Variants in OR5T2 observed in about 807,000 individuals in gnomAD.
OR5T2 encodes the protein olfactory receptor family 5 subfamily T member 2.
A neutral mutation model predicts 13.7 loss-of-function variants in OR5T2; 12 were observed. The ratio of observed to expected loss-of-function variants is 0.88; its 90% CI spans 0.56 to 1.42. OR5T2 has a LOEUF of 1.42. Among genes scored for constraint, OR5T2 ranks in the 40% most tolerant of loss-of-function variants. The pLI, the probability that OR5T2 is intolerant of heterozygous loss-of-function variation, is 0.00. For missense variants in OR5T2, 475 were observed against 372.0 expected (o/e 1.28, Z -2.28); for synonymous variants, 146 against 139.5 (o/e 1.05, Z -0.33).
At position 56,232,129 on chromosome 11, in the gene OR5T2, CT is replaced by C. The variant is rs1411642933; in HGVS notation, c.933del (p.Val312TyrfsTer10). 2.6e-6 allele frequency: 4 copies of C among 1,560,390 alleles called. No homozygotes were observed. The highest frequency in any genetic ancestry group is 3.5e-6 in the Non-Finnish European group (4 of 1,154,270). On this transcript the variant is annotated frameshift_variant, in exon 2 of 2. Transcript: ENST00000641661. LOFTEE classifies it high-confidence loss of function. ...KMFGKNQVIN[K>X]VYFHTKK is the part of the protein sequence containing the mutation. ...ATTTATTTTTTAGTATGAAAATATA[CT>C]TTATTGATAACCTGATTTTTCCCAA...
intron 1 of OR5T2, among the ~76,000 whole-genome samples, chr11:56,233,536 G>C (rs896080203): frequency 1.3e-5 from 2 of 152,022 alleles, no homozygotes; most frequent in Admixed American, 1.3e-4. Flanking sequence ...ATATCTACTT[G>C]TCTATAGAAT....
Position 56,232,404 on chromosome 11 carries a change from A to G in OR5T2, c.659T>C (p.Leu220Pro), listed in dbSNP as rs1853297928. The G allele has an allele frequency of 6.8e-6, 11 of 1,610,756 alleles. No individual in the cohort carries two copies. The highest frequency in any genetic ancestry group is 1.3e-5 in the African/African-American group (1 of 74,914). The change falls in exon 2 of 2, where the codon CTG becomes CCG. Residue 220 changes from leucine (L) to proline (P), a missense_variant. Leu to Pro is a moderately conservative substitution (Grantham distance 98). Coordinates refer to ENST00000641661, the MANE Select transcript of OR5T2 (RefSeq NM_001004746.4). Reference sequence around the variant, plus strand: ...AGAATACATCTTCAGAATGGCCAACAGAATCAAACCATAGGAGATCAGAAC... The same window carrying G: ...AGAATACATCTTCAGAATGGCCAACGGAATCAAACCATAGGAGATCAGAAC... ...LIVLISYGLILLAILKMYSAE... is the reference protein window; with the variant it reads ...LIVLISYGLIPLAILKMYSAE...
rs1853282427 is a variant in OR5T2, at chr11:56,231,735, C to G, written c.*371G>C. ...ATGCCCTCCCTGACCATGCCACCCT[C>G]TAGGAACTTCCATTTGTTCTGCTCC... On this transcript the variant is annotated 3_prime_UTR_variant, in exon 2 of 2. Coordinates refer to ENST00000641661, the MANE Select transcript of OR5T2 (RefSeq NM_001004746.4). 1.2e-5 allele frequency: 2 copies of G among 169,608 alleles called. No homozygotes were observed. The highest frequency in any genetic ancestry group is 2.4e-5 in the African/African-American group (1 of 42,126). 10.5% of individuals were successfully genotyped at this position (169,608 alleles called of 1,614,324 possible). A position where few individuals can be genotyped will look rare whatever the true frequency, so the allele number is the denominator to read the frequency against.
rs986598913 is a variant in OR5T2 at position 56,231,883 on chromosome 11, A to G, written c.*223T>C. 6.0e-5 allele frequency: 25 copies of G among 414,352 alleles called. No individual in the cohort carries two copies. The highest frequency in any genetic ancestry group is 1.0e-4 in the Non-Finnish European group (24 of 236,744). The allele number at this position is 414,352 out of a possible 1,614,324, so 25.7% of individuals were successfully genotyped here. On this transcript the variant is annotated 3_prime_UTR_variant, in exon 2 of 2. Transcript: ENST00000641661. ...AGAGTCTTAAGATTCACAATCAGTA[A>G]GGCAGACATTGGAACCCAGCCTTGG...
rs1305453854 is a variant in OR5T2 at position 56,232,289 on chromosome 11, C to A, written c.774G>T (p.Val258=). 5 of 1,611,810 alleles carry A rather than the reference C, an allele frequency of 3.1e-6. No homozygotes were observed. The highest frequency in any genetic ancestry group is 3.4e-6 in the Non-Finnish European group (4 of 1,178,916). ...CCGAAGCATAGCTGGAACTTGGTCT[C>A]ACATACATGAAGAGGATTGTCCCAT... The part of the protein sequence containing the change: ...IYYGTILFMY[V]RPSSSYASDH... Residue 258 remains valine (V), a synonymous_variant, in exon 2 of 2, where the codon GTG becomes GTT. Transcript: ENST00000641661.
rs1853273247 is a variant in OR5T2, at chr11:56,231,293, G to A, written c.*813C>T. On this transcript the variant is annotated 3_prime_UTR_variant, in exon 2 of 2. Transcript: ENST00000641661. ...TTATTATCGTCTAGGGAAAACTCTT[G>A]CTAACCAGGTTTTTCCTCTACTGTC... The A allele has an allele frequency of 6.6e-6, 1 of 152,084 alleles. No individual in the cohort carries two copies. The highest frequency in any genetic ancestry group is 2.4e-5 in the African/African-American group (1 of 41,416). The allele number at this position is 152,084 out of a possible 1,614,324, so 9.4% of individuals were successfully genotyped here. A position where few individuals can be genotyped will look rare whatever the true frequency, so the allele number is the denominator to read the frequency against.
Position 56,232,599 on chromosome 11 carries a change from G to C in OR5T2, c.464C>G (p.Thr155Ser), listed in dbSNP as rs767091035. ...ASYVAGILHA[T>S]IHTVATFSLS... Reference sequence around the variant, plus strand: ...GCTAAATGTAGCCACTGTATGTATAGTAGCATGTAAAATGCCAGCAACATA... The same window carrying C: ...GCTAAATGTAGCCACTGTATGTATACTAGCATGTAAAATGCCAGCAACATA... The change falls in exon 2 of 2, where the codon ACT becomes AGT. Residue 155 changes from threonine to serine, a missense_variant. Physicochemically the swap from Thr to Ser is moderately conservative, Grantham distance 58. Transcript: ENST00000641661. 7 of 1,613,952 alleles carry C rather than the reference G, an allele frequency of 4.3e-6. No individual in the cohort carries two copies. Among genetic ancestry groups the C allele is most frequent in the Non-Finnish European group, 5.9e-6 (7 of 1,179,976 alleles).
rs533589080 is a variant in OR5T2, at chr11:56,232,182, T to C, written c.881A>G (p.Asp294Gly). The C allele has an allele frequency of 1.9e-6, 3 of 1,604,164 alleles. No individual in the cohort carries two copies. In the African/African-American group the frequency reaches 4.0e-5, roughly 22 times the overall value. Residue 294 changes from aspartate (D) to glycine (G), a missense_variant, in exon 2 of 2, where the codon GAT becomes GGT. Coordinates refer to ENST00000641661, the MANE Select transcript of OR5T2 (RefSeq NM_001004746.4). ...NPVIYSLRNK[D>G]VKDSMKKMFG... ...CATTTTTTTCATTGAGTCTTTTACA[T>C]CTTTGTTCCTCAAACTGTAGATGAC...
In OR5T2 at chr11:56,231,856, G is replaced by A. The variant is rs1211825456; in HGVS notation, c.*250C>T. 3 of 333,356 alleles carry A rather than the reference G, an allele frequency of 9.0e-6. No individual in the cohort carries two copies. The highest frequency in any genetic ancestry group is 1.1e-5 in the Non-Finnish European group (2 of 186,444). The allele number at this position is 333,356 out of a possible 1,614,324, so 20.6% of individuals were successfully genotyped here. On this transcript the variant is annotated 3_prime_UTR_variant, in exon 2 of 2. Coordinates refer to ENST00000641661, the MANE Select transcript of OR5T2 (RefSeq NM_001004746.4). Reference sequence around the variant, plus strand: ...AGGTATAGGGTGGGACTCTCTCATGGGAGAGTCTTAAGATTCACAATCAGT... The same window carrying A: ...AGGTATAGGGTGGGACTCTCTCATGAGAGAGTCTTAAGATTCACAATCAGT...
Position 56,232,699 on chromosome 11 carries a change from C to T in OR5T2, c.364G>A (p.Val122Ile). 1.2e-6 allele frequency: 2 copies of T among 1,614,178 alleles called. No individual in the cohort carries two copies. Among genetic ancestry groups the T allele is most frequent in the Admixed American group, 3.3e-5 (2 of 60,010 alleles). ...TACAGGAGAGGGTTGTAGATGGCTA[C>T]ATAGCGATCATAAGCCATTGCAGCC... ...LLAAMAYDRY[V>I]AIYNPLLYSV... The change falls in exon 2 of 2, where the codon GTA (valine) becomes ATA (isoleucine). Residue 122 changes from valine to isoleucine, a missense_variant. Transcript: ENST00000641661.
chr11:56,232,313 A>G lies in OR5T2; in HGVS notation c.750T>C (p.Tyr250=), dbSNP rs778544497. 4.0e-5 allele frequency: 64 copies of G among 1,609,424 alleles called. No individual in the cohort carries two copies. The East Asian group carries it at 1.4e-3, about 36-fold the overall frequency. ...GAHLTGVSIY[Y]GTILFMYVRP... is the part of the protein sequence containing the mutation. The stretch of plus-strand genomic sequence containing the variant: ...TCACATACATGAAGAGGATTGTCCC[A>G]TAATAAATTGACACTCCAGTTAGGT... Residue 250 remains tyrosine, a synonymous_variant, in exon 2 of 2, where the codon TAT becomes TAC. Coordinates refer to ENST00000641661, the MANE Select transcript of OR5T2 (RefSeq NM_001004746.4).
Position 56,232,531 on chromosome 11 carries a change from C to T in OR5T2, c.532G>A (p.Asp178Asn). The T allele has an allele frequency of 6.2e-7, 1 of 1,612,666 alleles. No homozygotes were observed. The highest frequency in any genetic ancestry group is 8.5e-7 in the Non-Finnish European group (1 of 1,179,222). The change falls in exon 2 of 2, where the codon GAT becomes AAT. Residue 178 changes from aspartate to asparagine, a missense_variant. Physicochemically the swap from Asp to Asn is conservative, Grantham distance 23. Coordinates refer to ENST00000641661, the MANE Select transcript of OR5T2 (RefSeq NM_001004746.4). Reference protein sequence around the residue: ...GANEIRRVFCDIPPLLAISYS... With the variant: ...GANEIRRVFCNIPPLLAISYS... ...GAAATAGCAAGGAGAGGAGGGATAT[C>T]ACAAAAGACACGCCTAATTTCATTG...
rs372876971 is a variant in OR5T2, at chr11:56,232,272, T to C, written c.791A>G (p.Tyr264Cys). The change falls in exon 2 of 2, where the codon TAT (tyrosine) becomes TGT (cysteine). Residue 264 changes from tyrosine (Y) to cysteine (C), a missense_variant. Physicochemically the swap from Tyr to Cys is radical, Grantham distance 194. Coordinates refer to ENST00000641661, the MANE Select transcript of OR5T2 (RefSeq NM_001004746.4). ...CACTATCATGTCATGGTCCGAAGCA[T>C]AGCTGGAACTTGGTCTCACATACAT... Reference protein sequence around the residue: ...LFMYVRPSSSYASDHDMIVSI... With the variant: ...LFMYVRPSSSCASDHDMIVSI... The C allele has an allele frequency of 3.0e-5, 49 of 1,612,836 alleles. No individual in the cohort carries two copies. In the East Asian group the frequency reaches 3.1e-4, roughly 10 times the overall value.
chr11:56,232,776 A>T lies in OR5T2; in HGVS notation c.287T>A (p.Val96Glu). 2 of 1,614,146 alleles carry T rather than the reference A, an allele frequency of 1.2e-6. No individual in the cohort carries two copies. The highest frequency in any genetic ancestry group is 2.2e-5 in the East Asian group (1 of 44,870). ...ACTACAAGCAAGAAACACCTGTGCT[A>T]CACATCCAAGGAATGAAATGACTTT... Reference protein sequence around the residue: ...KNKVISFLGCVAQVFLACSFG... With the variant: ...KNKVISFLGCEAQVFLACSFG... The change falls in exon 2 of 2, where the codon GTA (valine) becomes GAA (glutamate). Residue 96 changes from valine (V) to glutamate (E), a missense_variant. Val to Glu is a moderately radical substitution (Grantham distance 121). Transcript: ENST00000641661.
chr11:56,232,261 G>T lies in OR5T2; in HGVS notation c.802C>A (p.His268Asn), dbSNP rs7121880. The T allele has an allele frequency of 6.2e-7, 1 of 1,612,926 alleles. No individual in the cohort carries two copies. The highest frequency in any genetic ancestry group is 8.5e-7 in the Non-Finnish European group (1 of 1,179,386). The change falls in exon 2 of 2, where the codon CAT becomes AAT. Residue 268 changes from histidine (H) to asparagine (N), a missense_variant. Physicochemically the swap from His to Asn is moderately conservative, Grantham distance 68. Transcript: ENST00000641661. ...TAAAATATTGACACTATCATGTCAT[G>T]GTCCGAAGCATAGCTGGAACTTGGT... Reference protein sequence around the residue: ...VRPSSSYASDHDMIVSIFYTI... With the variant: ...VRPSSSYASDNDMIVSIFYTI...
chr11:56,232,917 C>T lies in OR5T2; in HGVS notation c.146G>A (p.Arg49Lys), dbSNP rs1235899249. The part of the protein sequence containing the change: ...GNLGLILVVI[R>K]DSQLHKPMYY... ...CATGGGTTTGTGGAGCTGGGAATCC[C>T]TAATGACCACTAAAATCAGTCCTAA... Residue 49 changes from arginine (R) to lysine (K), a missense_variant, in exon 2 of 2, where the codon AGG becomes AAG. Transcript: ENST00000641661. 1.9e-6 allele frequency: 3 copies of T among 1,611,922 alleles called. No individual in the cohort carries two copies. In the Admixed American group the frequency reaches 5.0e-5, roughly 27 times the overall value.
In OR5T2 at chr11:56,233,133, A is replaced by C. The variant is rs777230802; in HGVS notation, c.-71T>G. On this transcript the variant is annotated 5_prime_UTR_variant, in exon 2 of 2. Transcript: ENST00000641661. ...CATATTATGACAAAAAGAATGAACA[A>C]CACCATGACTCAAGGGGATGTTAAC... 6 of 1,581,256 alleles carry C rather than the reference A, an allele frequency of 3.8e-6. No homozygotes were observed. Among genetic ancestry groups the C allele is most frequent in the Non-Finnish European group, 5.2e-6 (6 of 1,158,930 alleles).
Position 56,232,864 on chromosome 11 carries a change from C to T in OR5T2, c.199G>A (p.Val67Met), listed in dbSNP as rs766691653. Residue 67 changes from valine (V) to methionine (M), a missense_variant, in exon 2 of 2, where the codon GTG (valine) becomes ATG (methionine). Coordinates refer to ENST00000641661, the MANE Select transcript of OR5T2 (RefSeq NM_001004746.4). ...MYYFLSMLSS[V>M]DACYSSVITP... is the part of the protein sequence containing the mutation. ...ATAACTGAGGAATAGCAGGCATCCACAGAAGACAACATACTCAGAAAATAG... is the reference window on the plus strand; with the variant it reads ...ATAACTGAGGAATAGCAGGCATCCATAGAAGACAACATACTCAGAAAATAG... 6.2e-7 allele frequency: 1 copy of T among 1,612,218 alleles called. No homozygotes were observed. Among genetic ancestry groups the T allele is most frequent in the South Asian group, 1.1e-5 (1 of 90,828 alleles).
In OR5T2 at chr11:56,232,420, A is replaced by C. The variant is rs770128999; in HGVS notation, c.643T>G (p.Ser215Ala). The C allele has an allele frequency of 2.5e-6, 4 of 1,610,610 alleles. No individual in the cohort carries two copies. The South Asian group carries it at 3.3e-5, about 13-fold the overall frequency. Residue 215 changes from serine to alanine, a missense_variant, in exon 2 of 2, where the codon TCC becomes GCC. Coordinates refer to ENST00000641661, the MANE Select transcript of OR5T2 (RefSeq NM_001004746.4). ...ELVTILIVLI[S>A]YGLILLAILK... ...ATGGCCAACAGAATCAAACCATAGGAGATCAGAACAATCAGGATAGTGACC... is the reference window on the plus strand; with the variant it reads ...ATGGCCAACAGAATCAAACCATAGGCGATCAGAACAATCAGGATAGTGACC...
Sources: gnomAD v4.1 joint callset for allele counts (sites outside exome capture counted in the v4.1 genomes callset) on GRCh38, gnomAD v4.1.1 for gene constraint, MANE v1.5 for transcripts, NCBI Gene and HGNC (gene_info 2026-07-23, HGNC 2026-07-21) for gene names.